NUMB: variants seen among roughly 807,000 people sequenced by gnomAD.
NUMB encodes NUMB endocytic adaptor protein.
A neutral mutation model predicts 59.7 loss-of-function variants in NUMB; 29 were observed. That is an observed-to-expected ratio of 0.49 (90% CI 0.36 to 0.66). NUMB has a LOEUF of 0.66. NUMB is among the 30% of genes least tolerant of loss of function. NUMB has a pLI of 0.00. For synonymous variants in NUMB, 288 were observed against 288.2 expected (o/e 1.00, Z 0.01); for missense variants, 723 against 822.0 (o/e 0.88, Z 1.47).
intron 2 of NUMB, among the ~76,000 whole-genome samples, chr14:73,378,020 T>TACACACACACACACACATAC (rs1555376150): frequency 7.5e-6 from 1 of 134,094 alleles, no homozygotes; most frequent in Non-Finnish European, 1.5e-5. Context: ...CACACACACA[T>TACACACACACACACACATAC]ACACACACAC....
intron 4 of NUMB, 69 bp from the exon 5 acceptor site, chr14:73,323,273 G>T: frequency 9.5e-7 from 1 of 1,049,396 alleles, no homozygotes; most frequent in Non-Finnish European, 1.4e-6. Flanking sequence ...GTAAGCATTA[G>T]GTGAAAATTG....
In NUMB at chr14:73,276,512, G is replaced by T; in HGVS notation, c.*66C>A. 1.6e-6 allele frequency: 2 copies of T among 1,265,552 alleles called. No individual in the cohort carries two copies. Among genetic ancestry groups the T allele is most frequent in the Non-Finnish European group, 1.1e-6 (1 of 896,640 alleles). 78.4% of individuals were successfully genotyped at this position (1,265,552 alleles called of 1,614,324 possible). Reference sequence around the variant, plus strand: ...CTAATCAGGAGACAAAGTCTGTTTTGCTCCTTTGACCGCTACCCCCTGCTC... The same window carrying T: ...CTAATCAGGAGACAAAGTCTGTTTTTCTCCTTTGACCGCTACCCCCTGCTC... On this transcript the variant is annotated 3_prime_UTR_variant, in exon 13 of 13. Transcript: ENST00000555238.
At position 73,292,816 on chromosome 14, in the gene NUMB, A is replaced by G; in HGVS notation, c.368T>C (p.Phe123Ser). ...GCATATGTAAGAAAAGGCTCTATCAAAGTTCCTGTCTGGGGCACAGAAAGA... is the reference window on the plus strand; with the variant it reads ...GCATATGTAAGAAAAGGCTCTATCAGAGTTCCTGTCTGGGGCACAGAAAGA... ...KVSFCAPDRN[F>S]DRAFSYICRD... Residue 123 changes from phenylalanine (F) to serine (S), a missense_variant, in exon 8 of 13, where the codon TTT (phenylalanine) becomes TCT (serine). Phe to Ser is a radical substitution (Grantham distance 155). This residue lies in a region of NUMB where 317 missense variants were observed against 436.6 expected (regional missense o/e 0.73). Coordinates refer to ENST00000555238, the MANE Select transcript of NUMB (RefSeq NM_001005743.2). 1 of 1,614,248 alleles carries G rather than the reference A, an allele frequency of 6.2e-7. No individual in the cohort carries two copies. Among genetic ancestry groups the G allele is most frequent in the Non-Finnish European group, 8.5e-7 (1 of 1,180,036 alleles).
At position 73,394,277 on chromosome 14, in the gene NUMB, A is replaced by T. The variant is rs147162902; in HGVS notation, c.-101+15660T>A. Among the ~76,000 whole-genome samples, 3 of 152,320 alleles carry T rather than the reference A, an allele frequency of 2.0e-5. No individual in the cohort carries two copies. The East Asian group carries it at 5.8e-4, about 29-fold the overall frequency. On this transcript the variant is annotated intron_variant, in intron 2 of 12. Transcript: ENST00000555238. ...AAAAATTATGTATTTATGATATACA[A>T]CGTGATGTTTTGATGTATGTATACA...
intron 4 of NUMB, among the ~76,000 whole-genome samples, chr14:73,328,600 T>G (rs1322142830): frequency 6.6e-6 from 1 of 152,246 alleles, no homozygotes; most frequent in Non-Finnish European, 1.5e-5. Flanking sequence ...TAAGCCATTC[T>G]AATAGGTACA....
chr14:73,399,039 A>T (rs147390073), intron 2 of NUMB, among the ~76,000 whole-genome samples: 78 of 152,358 alleles, frequency 5.1e-4, no homozygotes, highest in Non-Finnish European at 8.8e-4. Context: ...ATGGAACATT[A>T]TACAACAGTC....
At chr14:73,333,152 C>T (rs767973221) in intron 4 of NUMB, among the ~76,000 whole-genome samples, 6 of 152,118 alleles carry the variant, frequency 3.9e-5, no homozygotes, top group Admixed American at 6.5e-5. Context: ...TTTTGAAGTA[C>T]CACCAATCTG....
chr14:73,414,577 G>T (rs1244363883), intron 1 of NUMB, among the ~76,000 whole-genome samples: 3 of 151,882 alleles, frequency 2.0e-5, no homozygotes, highest in Non-Finnish European at 2.9e-5. Flanking sequence ...ATAGAGATGG[G>T]GTTTCACCAT....
At chr14:73,352,451 C>CACAT (rs1893361458) in intron 4 of NUMB, among the ~76,000 whole-genome samples, 1 of 33,472 alleles carries the variant, frequency 3.0e-5, no homozygotes, top group African/African-American at 1.6e-4. Flanking sequence ...CACACACACA[C>CACAT]ACACACATAC....
intron 4 of NUMB, among the ~76,000 whole-genome samples, chr14:73,346,089 G>C (rs1009945452): frequency 1.3e-5 from 2 of 152,060 alleles, no homozygotes; most frequent in African/African-American, 2.4e-5. Context: ...TAGAACTCTT[G>C]AAAAAGTTCT....
In NUMB at chr14:73,275,495, A is replaced by C. The variant is rs539576687; in HGVS notation, c.*1083T>G. 4.6e-5 allele frequency: 7 copies of C among 152,452 alleles called. No homozygotes were observed. Among genetic ancestry groups the C allele is most frequent in the African/African-American group, 1.7e-4 (7 of 41,578 alleles). The allele number at this position is 152,452 out of a possible 1,614,324, so 9.4% of individuals were successfully genotyped here. On this transcript the variant is annotated 3_prime_UTR_variant, in exon 13 of 13. Transcript: ENST00000555238. Reference sequence around the variant, plus strand: ...TTAAAGGATAAAACAAAACCCACCAAGACCCATATTACAAACCAATATGGT... The same window carrying C: ...TTAAAGGATAAAACAAAACCCACCACGACCCATATTACAAACCAATATGGT...
chr14:73,408,963 T>C (rs999996599), intron 2 of NUMB, among the ~76,000 whole-genome samples: 2 of 151,954 alleles, frequency 1.3e-5, no homozygotes, highest in South Asian at 4.1e-4. Flanking sequence ...ATTTTCAATA[T>C]CATCCTCTAC....
At chr14:73,359,645 GGAGA>G (rs1365542534) in intron 3 of NUMB, among the ~76,000 whole-genome samples, 4 of 152,128 alleles carry the variant, frequency 2.6e-5, no homozygotes, top group Non-Finnish European at 5.9e-5. Flanking sequence ...GTTGGAATCT[GGAGA>G]GAGAGATTAG....
intron 1 of NUMB, among the ~76,000 whole-genome samples, chr14:73,415,108 G>A (rs1897071433): frequency 1.3e-5 from 2 of 152,214 alleles, no homozygotes; most frequent in Non-Finnish European, 2.9e-5. Context: ...AACTTCAAAT[G>A]TAATTTGCAA....
chr14:73,405,785 T>G (rs575034875), intron 2 of NUMB, among the ~76,000 whole-genome samples: 1 of 140,542 alleles, frequency 7.1e-6, no homozygotes, highest in East Asian at 3.6e-4. Flanking sequence ...TCTGTTGTTT[T>G]GGGTTTTTTT....
chr14:73,416,971 A>C (rs1007371232), intron 1 of NUMB, among the ~76,000 whole-genome samples: 2 of 151,678 alleles, frequency 1.3e-5, no homozygotes, highest in Non-Finnish European at 2.9e-5. Flanking sequence ...AGAGCAGAAC[A>C]GAAGAGCAGC....
At chr14:73,439,238 C>T (rs556346248) in intron 1 of NUMB, among the ~76,000 whole-genome samples, 2 of 152,174 alleles carry the variant, frequency 1.3e-5, no homozygotes, top group African/African-American at 2.4e-5. Context: ...GGCAAAGTAC[C>T]AGCCTCTAAA....
intron 1 of NUMB, among the ~76,000 whole-genome samples, chr14:73,432,107 T>C (rs908447590): frequency 1.3e-5 from 2 of 152,136 alleles, no homozygotes; most frequent in African/African-American, 4.8e-5. Flanking sequence ...ATTCATTCAA[T>C]AAGAATGTAC....
chr14:73,308,937 G>T (rs751106198), intron 6 of NUMB, among the ~76,000 whole-genome samples: 19 of 152,196 alleles, frequency 1.2e-4, no homozygotes. Flanking sequence ...AGAGGTAAAA[G>T]TTGTGGAGAT....
Sources: gnomAD v4.1 joint callset for allele counts (sites outside exome capture counted in the v4.1 genomes callset) on GRCh38, gnomAD v4.1.1 for gene constraint, gnomAD v4.1.1 regional missense constraint, MANE v1.5 for transcripts, NCBI Gene and HGNC (gene_info 2026-07-23, HGNC 2026-07-21) for gene names.